Variants in TEC observed in about 807,000 individuals in gnomAD.
TEC encodes the protein tec protein tyrosine kinase.
In TEC, 72 loss-of-function variants were observed where a neutral mutation model predicts 93.0. That is an observed-to-expected ratio of 0.77 (90% CI 0.64 to 0.94). TEC has a LOEUF of 0.94. TEC is among the 40% of genes least tolerant of loss of function. The pLI is 0.00. For synonymous variants in TEC, 249 were observed against 247.7 expected, an observed-to-expected ratio of 1.01 and a Z score of -0.05; for missense variants, 630 against 757.9, an observed-to-expected ratio of 0.83 and a Z score of 1.98.
chr4:48,255,046 C>T (rs1724304143), intron 1 of TEC, among the ~76,000 whole-genome samples: 2 of 152,178 alleles, frequency 1.3e-5, no homozygotes, highest in African/African-American at 4.8e-5. Flanking sequence ...TCTGAAAACC[C>T]GGTATAAGCA....
intron 7 of TEC, among the ~76,000 whole-genome samples, chr4:48,164,051 G>A (rs550930539): frequency 1.3e-3 from 199 of 152,206 alleles, no homozygotes; most frequent in African/African-American, 4.7e-3. Context: ...TTTTCCCAAA[G>A]GTCCTAAAGT....
chr4:48,193,708 G>A (rs17471142), intron 2 of TEC, among the ~76,000 whole-genome samples: 70,794 of 151,468 alleles, frequency 0.47, 16,793 homozygotes, highest in Admixed American at 0.54. Flanking sequence ...CTGACTAGTA[G>A]CACTTTGTTT....
intron 2 of TEC, 105 bp downstream of exon 2, chr4:48,228,372 A>G (rs1723544658): frequency 8.2e-7 from 1 of 1,217,602 alleles, no homozygotes; most frequent in Admixed American, 3.1e-5. Flanking sequence ...ATAAATCATT[A>G]CTTCATTAAC....
At chr4:48,156,640 A>C in intron 9 of TEC, 40 bp downstream of exon 9, 1 of 1,578,008 alleles carries the variant, frequency 6.3e-7, no homozygotes, top group Non-Finnish European at 8.6e-7. Context: ...CATTAAAATT[A>C]ATTTGCCCTT....
chr4:48,172,880 T>C (rs4695347), intron 3 of TEC, among the ~76,000 whole-genome samples: 57,657 of 151,982 alleles, frequency 0.38, 11,960 homozygotes, highest in East Asian at 0.9. Context: ...CAGAAGGAAC[T>C]ATGCACCGTG....
chr4:48,176,053 T>C (rs1721312199), intron 3 of TEC, 29 bp downstream of exon 3: 6 of 1,547,836 alleles, frequency 3.9e-6, no homozygotes, highest in Non-Finnish European at 5.4e-6. Context: ...AGCCCAGCAC[T>C]GCACTGCCAC....
At chr4:48,218,106 T>C (rs571365104) in intron 2 of TEC, among the ~76,000 whole-genome samples, 1 of 151,904 alleles carries the variant, frequency 6.6e-6, no homozygotes, top group South Asian at 2.1e-4. Context: ...GAGAGTAGAA[T>C]AAAAACACAG....
At chr4:48,255,601 G>A (rs2109674457) in intron 1 of TEC, among the ~76,000 whole-genome samples, 1 of 152,346 alleles carries the variant, frequency 6.6e-6, no homozygotes, top group South Asian at 2.1e-4. Flanking sequence ...GAGCTTTGAA[G>A]TCAGACAGAA....
intron 2 of TEC, among the ~76,000 whole-genome samples, chr4:48,199,633 A>C (rs141530978): frequency 0.09 from 13,560 of 151,116 alleles, 686 homozygotes; most frequent in South Asian, 0.18. Context: ...CACCTGTCTA[A>C]TTTTTGTATT....
At chr4:48,182,942 C>A (rs191893209) in intron 2 of TEC, among the ~76,000 whole-genome samples, 1 of 152,252 alleles carries the variant, frequency 6.6e-6, no homozygotes, top group East Asian at 1.9e-4. Context: ...TCCAGAGTCC[C>A]CACCACACAC....
rs143050029 is a variant in TEC at position 48,259,511 on chromosome 4, T to C, written c.-46+10241A>G. ...CTGGCAGATCACTTGAGGTCAGGAG[T>C]TCGAGACCAGCCTGGCCAACGTGGC... On this transcript the variant is annotated intron_variant, in intron 1 of 17. Transcript: ENST00000381501. Among the ~76,000 whole-genome samples the C allele has an allele frequency of 4.7e-4, 72 of 151,874 alleles. 2 individuals carry two copies. The East Asian group carries it at 0.014, about 29-fold the overall frequency.
intron 2 of TEC, among the ~76,000 whole-genome samples, chr4:48,216,600 C>CT (rs1305220058): frequency 2.6e-5 from 4 of 151,928 alleles, no homozygotes; most frequent in African/African-American, 9.7e-5. Context: ...GGTAGAAACA[C>CT]TATGTTTATT....
chr4:48,163,181 T>A (rs1009716080), intron 8 of TEC, among the ~76,000 whole-genome samples: 1 of 152,182 alleles, frequency 6.6e-6, no homozygotes, highest in Non-Finnish European at 1.5e-5. Context: ...AAATATTTAA[T>A]AAATTTATGA....
intron 12 of TEC, 44 bp from the exon 13 acceptor site, chr4:48,145,623 T>C (rs374147378): frequency 2.4e-5 from 38 of 1,601,914 alleles, no homozygotes; most frequent in Non-Finnish European, 3.0e-5. Context: ...AAAAGGAAAA[T>C]GTAGCATGAA....
At position 48,135,795 on chromosome 4, in the gene TEC, T is replaced by A. The variant is rs1719387855; in HGVS notation, c.*1621A>T. ...TGGCAGATTGTGATAAGGCTCGGGA[T>A]AAGCAGTTTACTTTCTTCCATTATG... On this transcript the variant is annotated 3_prime_UTR_variant, in exon 18 of 18. Coordinates refer to ENST00000381501, the MANE Select transcript of TEC (RefSeq NM_003215.3). 1 of 152,246 alleles carries A rather than the reference T, an allele frequency of 6.6e-6. No individual in the cohort carries two copies. Among genetic ancestry groups the A allele is most frequent in the African/African-American group, 2.4e-5 (1 of 41,450 alleles). The allele number at this position is 152,246 out of a possible 1,614,324, so 9.4% of individuals were successfully genotyped here.
At chr4:48,150,155 G>A (rs979097298) in intron 10 of TEC, among the ~76,000 whole-genome samples, 1 of 152,110 alleles carries the variant, frequency 6.6e-6, no homozygotes, top group Non-Finnish European at 1.5e-5. Context: ...GTTGCTCTTA[G>A]GGTAAAGCTC....
chr4:48,264,836 A>C (rs536387492), intron 1 of TEC, among the ~76,000 whole-genome samples: 2 of 152,056 alleles, frequency 1.3e-5, no homozygotes, highest in East Asian at 3.9e-4. Flanking sequence ...CGAGGGTTTC[A>C]CCATGTTGGC....
At chr4:48,267,282 A>G (rs1293077616) in intron 1 of TEC, among the ~76,000 whole-genome samples, 4 of 152,228 alleles carry the variant, frequency 2.6e-5, no homozygotes, top group African/African-American at 7.2e-5. Context: ...CTCTACATCT[A>G]TACTACAGTA....
intron 1 of TEC, among the ~76,000 whole-genome samples, chr4:48,253,167 A>T (rs1405054566): frequency 6.6e-6 from 1 of 152,210 alleles, no homozygotes; most frequent in Non-Finnish European, 1.5e-5. Flanking sequence ...TACTATCATG[A>T]AATACGTAAG....
Sources: allele counts gnomAD v4.1 joint callset (sites outside exome capture counted in the v4.1 genomes callset), GRCh38; gene constraint gnomAD v4.1.1; transcripts MANE v1.5; gene names NCBI Gene and HGNC (gene_info 2026-07-23, HGNC 2026-07-21).